Variants in ABCC1 observed in about 807,000 individuals in gnomAD.
ABCC1 encodes the protein multidrug resistance-associated protein 1.
In ABCC1, 83 loss-of-function variants were observed where a neutral mutation model predicts 172.9. The observed-to-expected ratio is 0.48, with a 90% confidence interval of 0.40 to 0.58. The LOEUF (loss-of-function observed/expected upper bound fraction) is 0.58, where lower values mean the gene tolerates loss of function less well. Among genes scored for constraint, ABCC1 ranks in the 20% least tolerant of loss-of-function variants. ABCC1 has a pLI of 0.00. For synonymous variants in ABCC1, 937 were observed against 825.2 expected (o/e 1.14, Z -2.32); for missense variants, 1,817 against 2,002.7 (o/e 0.91, Z 1.77).
chr16:15,969,366 T>C (rs1202410715), intron 1 of ABCC1, among the ~76,000 whole-genome samples: 1 of 140,932 alleles, frequency 7.1e-6, no homozygotes, highest in Non-Finnish European at 1.5e-5. Flanking sequence ...AGCTGGTCAG[T>C]CTTTTTTTTT....
chr16:15,973,065 G>A (rs937681097), intron 1 of ABCC1, among the ~76,000 whole-genome samples: 4 of 152,028 alleles, frequency 2.6e-5, no homozygotes, highest in Non-Finnish European at 4.4e-5. Flanking sequence ...AAAGTGCTGG[G>A]ATGACAGGCA....
chr16:16,018,112 T>C (rs1450612106), intron 5 of ABCC1, among the ~76,000 whole-genome samples: 4 of 152,118 alleles, frequency 2.6e-5, no homozygotes, highest in African/African-American at 7.2e-5. Flanking sequence ...CGGATTGCAG[T>C]GGGAGAACTT....
intron 21 of ABCC1, among the ~76,000 whole-genome samples, chr16:16,110,598 A>G (rs975444745): frequency 9.9e-5 from 15 of 152,268 alleles, no homozygotes; most frequent in African/African-American, 3.4e-4. Flanking sequence ...CATGTTAGTC[A>G]GGCTGGTCTC....
rs34770208 is a variant in ABCC1 at position 16,118,424 on chromosome 16, C to CTTTT, written c.3390+3365_3390+3368dup. ...TATATCCTCTTGAAATTGGTGCCAG[C>CTTTT]TTTTTTTTTTTTTTTTTTTTCCCCT... On this transcript the variant is annotated intron_variant, in intron 23 of 30. Transcript: ENST00000399410. Among the ~76,000 whole-genome samples the CTTTT allele has an allele frequency of 2.0e-4, 21 of 105,980 alleles. 1 individual carries two copies. The highest frequency in any genetic ancestry group is 3.6e-4 in the South Asian group (1 of 2,812). 69.5% of individuals were successfully genotyped at this position (105,980 alleles called of 152,430 possible). A position where few individuals can be genotyped will look rare whatever the true frequency, so the allele number is the denominator to read the frequency against.
intron 12 of ABCC1, among the ~76,000 whole-genome samples, chr16:16,058,912 T>C (rs1405030097): frequency 6.6e-6 from 1 of 152,186 alleles, no homozygotes; most frequent in Non-Finnish European, 1.5e-5. Context: ...CGCCTTGGCC[T>C]CCGAAAGTGC....
rs899569055 is a variant in ABCC1, at chr16:16,076,511, A to G, written c.1988+110A>G. On this transcript the variant is annotated intron_variant, in intron 15 of 30. Coordinates refer to ENST00000399410, the MANE Select transcript of ABCC1 (RefSeq NM_004996.4). The stretch of plus-strand genomic sequence containing the variant: ...CCCTCTCTGTGACCTTGAACAACTC[A>G]CTTTGCCTTTCTAAGACTTAGCTTA... The G allele has an allele frequency of 2.6e-5, 28 of 1,088,484 alleles. No homozygotes were observed. The Admixed American group carries it at 3.9e-4, about 15-fold the overall frequency. The allele number at this position is 1,088,484 out of a possible 1,614,324, so 67.4% of individuals were successfully genotyped here.
At chr16:16,102,795 C>A in intron 20 of ABCC1, 78 bp downstream of exon 20, 1 of 1,386,700 alleles carries the variant, frequency 7.2e-7, no homozygotes, top group Non-Finnish European at 9.9e-7. Flanking sequence ...CAAAAAAAGG[C>A]CTCAGCCCCC....
intron 1 of ABCC1, among the ~76,000 whole-genome samples, chr16:15,993,015 A>G (rs1191268069): frequency 6.6e-6 from 1 of 152,056 alleles, no homozygotes; most frequent in Non-Finnish European, 1.5e-5. Flanking sequence ...TCATCTGCCC[A>G]GACCGCCACT....
At chr16:16,084,023 C>T (rs953193152) in intron 17 of ABCC1, among the ~76,000 whole-genome samples, 1 of 152,190 alleles carries the variant, frequency 6.6e-6, no homozygotes, top group Admixed American at 6.6e-5. Context: ...CAGTCCCTGT[C>T]AAGATAGCCA....
chr16:16,037,474 T>C (rs2048801408), intron 7 of ABCC1, among the ~76,000 whole-genome samples: 1 of 150,120 alleles, frequency 6.7e-6, no homozygotes, highest in African/African-American at 2.5e-5. Flanking sequence ...TATTATTCTA[T>C]GTAACAGTAA....
At chr16:16,061,908 G>C (rs2049933797) in intron 12 of ABCC1, among the ~76,000 whole-genome samples, 1 of 151,460 alleles carries the variant, frequency 6.6e-6, no homozygotes, top group Non-Finnish European at 1.5e-5. Context: ...CAGGCAGCTG[G>C]GACTACAAGC....
At chr16:16,105,434 C>G (rs2036593213) in intron 20 of ABCC1, 1 of 152,336 alleles carries the variant, frequency 6.6e-6, no homozygotes, top group African/African-American at 2.4e-5. Context: ...TAGGCCTTAA[C>G]TAAAGACCTT....
Position 16,071,801 on chromosome 16 carries a change from C to G in ABCC1, c.1912+72C>G, listed in dbSNP as rs558919216. The G allele has an allele frequency of 1.8e-4, 242 of 1,367,612 alleles. 4 individuals are homozygous for G. The South Asian group carries it at 2.5e-3, about 14-fold the overall frequency. 84.7% of individuals were successfully genotyped at this position (1,367,612 alleles called of 1,614,324 possible). On this transcript the variant is annotated intron_variant, in intron 14 of 30. Coordinates refer to ENST00000399410, the MANE Select transcript of ABCC1 (RefSeq NM_004996.4). ...TCTCCCACTGGGTCCTCCCTACTTG[C>G]ATTTCTTTCCCTTGGCTGCCCTCAG...
At chr16:16,100,173 A>T (rs1042689501) in intron 19 of ABCC1, among the ~76,000 whole-genome samples, 1 of 152,148 alleles carries the variant, frequency 6.6e-6, no homozygotes, top group East Asian at 1.9e-4. Context: ...TCCTCCGTGC[A>T]GAGTGGAATT....
intron 18 of ABCC1, 151 bp downstream of exon 18, chr16:16,087,142 G>A (rs951582683): frequency 2.0e-6 from 2 of 980,350 alleles, no homozygotes; most frequent in Non-Finnish European, 3.0e-6. Flanking sequence ...TGTCTTGGAA[G>A]CCTTCCTAAG....
At chr16:16,069,201 TAAATAA>T (rs1567369099) in intron 13 of ABCC1, among the ~76,000 whole-genome samples, 4,546 of 144,986 alleles carry the variant, frequency 0.031, 258 homozygotes, top group African/African-American at 0.11. Context: ...AATAAATAAA[TAAATAA>T]ATAAATATGT....
In ABCC1 at chr16:15,960,120, G is replaced by A. The variant is rs568138847; in HGVS notation, c.48+10321G>A. Among the ~76,000 whole-genome samples the A allele has an allele frequency of 1.1e-4, 16 of 152,284 alleles. No homozygotes were observed. In the East Asian group the frequency reaches 1.7e-3, roughly 17 times the overall value. On this transcript the variant is annotated intron_variant, in intron 1 of 30. Coordinates refer to ENST00000399410, the MANE Select transcript of ABCC1 (RefSeq NM_004996.4). The stretch of plus-strand genomic sequence containing the variant: ...GGTGTTTGACTGATTGATGGATGGA[G>A]TCTTGTTCTGTCGCCCTAGCTGATT...
At chr16:16,110,750 G>T (rs1192804338) in intron 21 of ABCC1, among the ~76,000 whole-genome samples, 1 of 152,126 alleles carries the variant, frequency 6.6e-6, no homozygotes, top group Non-Finnish European at 1.5e-5. Context: ...TCTCTAGACT[G>T]CATTAGGTCA....
chr16:16,079,959 C>A lies in ABCC1; in HGVS notation c.2115+481C>A, dbSNP rs376169632. Among the ~76,000 whole-genome samples the A allele has an allele frequency of 1.2e-3, 188 of 151,860 alleles. No individual in the cohort carries two copies. In the South Asian group the frequency reaches 0.014, roughly 11 times the overall value. Reference sequence around the variant, plus strand: ...CCGAGTAGCTAGGATTACAGGCATGCGCCACCATGTCCAGCTAATTTTTAT... The same window carrying A: ...CCGAGTAGCTAGGATTACAGGCATGAGCCACCATGTCCAGCTAATTTTTAT... On this transcript the variant is annotated intron_variant, in intron 16 of 30. Coordinates refer to ENST00000399410, the MANE Select transcript of ABCC1 (RefSeq NM_004996.4).
Sources: allele counts gnomAD v4.1 joint callset (sites outside exome capture counted in the v4.1 genomes callset), GRCh38; gene constraint gnomAD v4.1.1; transcripts MANE v1.5; gene names NCBI Gene and HGNC (gene_info 2026-07-23, HGNC 2026-07-21).